The following GTF2E1 variants were observed in gnomAD, a reference collection of about 807,000 sequenced individuals.
The protein encoded by GTF2E1 is TFIIE alpha subunit.
A neutral mutation model predicts 34.9 loss-of-function variants in GTF2E1; 14 were observed. The ratio of observed to expected loss-of-function variants is 0.40; its 90% CI spans 0.27 to 0.63. GTF2E1 has a LOEUF of 0.63. GTF2E1 is among the 20% of genes least tolerant of loss of function. GTF2E1 has a pLI of 0.39. For missense variants in GTF2E1, 469 were observed against 557.7 expected, an observed-to-expected ratio of 0.84 and a Z score of 1.60; for synonymous variants, 188 against 192.9, an observed-to-expected ratio of 0.97 and a Z score of 0.21.
intron 3 of GTF2E1, 95 bp downstream of exon 3, chr3:120,771,024 T>G: frequency 1.0e-6 from 1 of 972,382 alleles, no homozygotes; most frequent in South Asian, 1.3e-5. Context: ...GGTAATTTAC[T>G]AGGAGACTCA....
chr3:120,753,064 T>C (rs1432470243), intron 2 of GTF2E1, among the ~76,000 whole-genome samples: 1 of 152,172 alleles, frequency 6.6e-6, no homozygotes, highest in Non-Finnish European at 1.5e-5. Flanking sequence ...GAAAATGTGC[T>C]GATTAGGTGA....
intron 2 of GTF2E1, among the ~76,000 whole-genome samples, chr3:120,757,116 T>TGAGCA (rs1244630011): frequency 2.0e-5 from 3 of 152,204 alleles, no homozygotes; most frequent in African/African-American, 7.2e-5. Flanking sequence ...TTCTGCATGC[T>TGAGCA]GAGATGAATT....
intron 2 of GTF2E1, among the ~76,000 whole-genome samples, chr3:120,756,799 G>A (rs139080334): frequency 1.8e-3 from 275 of 152,062 alleles, no homozygotes; most frequent in Middle Eastern, 0.01. Flanking sequence ...GGTGGAGTGC[G>A]CCTGTAATCT....
chr3:120,776,971 T>G (rs1262012437), intron 4 of GTF2E1, among the ~76,000 whole-genome samples: 2 of 152,216 alleles, frequency 1.3e-5, no homozygotes, highest in Non-Finnish European at 2.9e-5. Context: ...TACTCACCTT[T>G]CCTTTAATCT....
intron 3 of GTF2E1, among the ~76,000 whole-genome samples, chr3:120,772,668 G>A (rs1281919006): frequency 2.0e-5 from 3 of 152,116 alleles, no homozygotes; most frequent in African/African-American, 7.2e-5. Flanking sequence ...CGTCAGTGTA[G>A]TATCTGATTG....
chr3:120,776,382 A>C, intron 3 of GTF2E1, 41 bp from the exon 4 acceptor site: 2 of 1,565,958 alleles, frequency 1.3e-6, no homozygotes, highest in East Asian at 2.2e-5. Flanking sequence ...CCAAGACATT[A>C]ATTTTTCTTC....
At chr3:120,773,716 A>T (rs1408590340) in intron 3 of GTF2E1, among the ~76,000 whole-genome samples, 1 of 152,154 alleles carries the variant, frequency 6.6e-6, no homozygotes, top group Non-Finnish European at 1.5e-5. Context: ...TGTATCTTTT[A>T]AAAGTTCTAA....
At chr3:120,774,741 GA>G (rs1183331473) in intron 3 of GTF2E1, among the ~76,000 whole-genome samples, 4 of 152,088 alleles carry the variant, frequency 2.6e-5, no homozygotes, top group Non-Finnish European at 4.4e-5. Context: ...GAGCAGTGAG[GA>G]GGCAAAAGAA....
chr3:120,773,732 A>C (rs1505701), intron 3 of GTF2E1, among the ~76,000 whole-genome samples: 84,016 of 151,964 alleles, frequency 0.55, 25,435 homozygotes, highest in East Asian at 0.95. Context: ...TCTAAAATTT[A>C]TTAAATAATA....
rs1709402328 is a variant in GTF2E1 at position 120,776,553 on chromosome 3, C to G, written c.781C>G (p.Gln261Glu). ...TQNVVINMDD[Q>E]EDLHRASLEG... ...GAATGTTGTCATTAACATGGATGAC[C>G]AAGAAGATCTTCATCGAGCCTCACT... Residue 261 changes from glutamine to glutamate, a missense_variant, in exon 4 of 5, where the codon CAA becomes GAA. Physicochemically the swap from Gln to Glu is conservative, Grantham distance 29. Transcript: ENST00000283875. 6.2e-7 allele frequency: 1 copy of G among 1,613,842 alleles called. No homozygotes were observed. Among genetic ancestry groups the G allele is most frequent in the Admixed American group, 1.7e-5 (1 of 60,004 alleles).
intron 2 of GTF2E1, among the ~76,000 whole-genome samples, chr3:120,759,596 A>C (rs1305923515): frequency 6.6e-6 from 1 of 152,162 alleles, no homozygotes; most frequent in Non-Finnish European, 1.5e-5. Flanking sequence ...TCTTTAATCT[A>C]TCTTGAGTTA....
chr3:120,779,677 C>G (rs1202783099), intron 4 of GTF2E1, among the ~76,000 whole-genome samples: 1 of 152,156 alleles, frequency 6.6e-6, no homozygotes, highest in African/African-American at 2.4e-5. Flanking sequence ...CTCTTGATGA[C>G]GATGATGATA....
At chr3:120,777,104 C>A (rs1039930912) in intron 4 of GTF2E1, among the ~76,000 whole-genome samples, 2 of 152,058 alleles carry the variant, frequency 1.3e-5, no homozygotes, top group African/African-American at 4.8e-5. Flanking sequence ...GAAATAGATA[C>A]AAAGAGACCA....
At chr3:120,758,762 A>G (rs1169772294) in intron 2 of GTF2E1, among the ~76,000 whole-genome samples, 1 of 152,082 alleles carries the variant, frequency 6.6e-6, no homozygotes, top group Admixed American at 6.5e-5. Context: ...TATCTTTTTT[A>G]TGGCTGCATA....
At chr3:120,768,383 G>GAGGCCGGTT (rs1167165116) in intron 2 of GTF2E1, among the ~76,000 whole-genome samples, 4 of 152,156 alleles carry the variant, frequency 2.6e-5, no homozygotes, top group African/African-American at 9.7e-5. Flanking sequence ...AGACATTGAG[G>GAGGCCGGTT]AGGCCGGTTT....
intron 2 of GTF2E1, among the ~76,000 whole-genome samples, chr3:120,753,513 TA>T (rs1392408609): frequency 6.6e-6 from 1 of 152,190 alleles, no homozygotes; most frequent in East Asian, 1.9e-4. Flanking sequence ...ATGGTTTACA[TA>T]AGCAATTAGG....
chr3:120,746,717 T>G (rs1709108485), intron 1 of GTF2E1, among the ~76,000 whole-genome samples: 1 of 152,150 alleles, frequency 6.6e-6, no homozygotes, highest in Non-Finnish European at 1.5e-5. Flanking sequence ...GAAGATTGCT[T>G]GAGCCCAGGA....
intron 1 of GTF2E1, 85 bp from the exon 2 acceptor site, chr3:120,750,438 G>T: frequency 1.3e-6 from 1 of 764,596 alleles, no homozygotes; most frequent in Non-Finnish European, 2.2e-6. Flanking sequence ...AAACACTTTG[G>T]GTACTTTTCT....
At chr3:120,751,831 C>T (rs1028033990) in intron 2 of GTF2E1, among the ~76,000 whole-genome samples, 3 of 151,742 alleles carry the variant, frequency 2.0e-5, no homozygotes, top group Admixed American at 2.0e-4. Context: ...AGATTAAGTC[C>T]CTTTGTTATG....
Sources: gnomAD v4.1 joint callset for allele counts (sites outside exome capture counted in the v4.1 genomes callset) on GRCh38, gnomAD v4.1.1 for gene constraint, MANE v1.5 for transcripts, NCBI Gene and HGNC (gene_info 2026-07-23, HGNC 2026-07-21) for gene names.